Variants in ARID1B observed in about 807,000 individuals in gnomAD.
The protein encoded by ARID1B is AT-rich interactive domain-containing protein 1B.
A neutral mutation model predicts 212.3 loss-of-function variants in ARID1B; 30 were observed. The ratio of observed to expected loss-of-function variants is 0.14; its 90% CI spans 0.11 to 0.19. The LOEUF (loss-of-function observed/expected upper bound fraction) is 0.19. ARID1B is among the 10% of genes least tolerant of loss of function. The probability of loss-of-function intolerance (pLI) is 1.00; values close to 1 mark genes in which losing one functional copy is unlikely to be tolerated. For missense variants in ARID1B, 2,891 were observed against 3,204.0 expected, an observed-to-expected ratio of 0.90 and a Z score of 2.36; for synonymous variants, 1,402 against 1,301.7, an observed-to-expected ratio of 1.08 and a Z score of -1.66.
At chr6:157,095,322 C>T (rs1237388328) in intron 5 of ARID1B, among the ~76,000 whole-genome samples, 5 of 152,180 alleles carry the variant, frequency 3.3e-5, no homozygotes, top group South Asian at 4.1e-4. Context: ...CTGAGCTAAT[C>T]GGTCTGACAC....
intron 5 of ARID1B, among the ~76,000 whole-genome samples, chr6:157,097,277 A>G (rs935452819): frequency 2.0e-5 from 3 of 152,204 alleles, no homozygotes; most frequent in Non-Finnish European, 4.4e-5. Flanking sequence ...CATGCCACCT[A>G]TAGTACCAGT....
chr6:156,974,763 T>TC (rs1777125230), intron 4 of ARID1B, among the ~76,000 whole-genome samples: 1 of 152,248 alleles, frequency 6.6e-6, no homozygotes, highest in Non-Finnish European at 1.5e-5. Flanking sequence ...CTTTCACTTA[T>TC]CAGAACTTAC....
intron 4 of ARID1B, among the ~76,000 whole-genome samples, chr6:157,061,627 T>C (rs1783348552): frequency 6.6e-6 from 1 of 152,080 alleles, no homozygotes; most frequent in South Asian, 2.1e-4. Flanking sequence ...AAGCAATGAA[T>C]AAAATTTTAG....
intron 1 of ARID1B, among the ~76,000 whole-genome samples, chr6:156,805,312 C>T (rs1160687066): frequency 6.6e-6 from 1 of 152,146 alleles, no homozygotes; most frequent in African/African-American, 2.4e-5. Flanking sequence ...ACAGGATAGG[C>T]CCGAGAGTAA....
At chr6:157,087,569 G>A (rs998052119) in intron 5 of ARID1B, among the ~76,000 whole-genome samples, 6 of 152,158 alleles carry the variant, frequency 3.9e-5, no homozygotes, top group African/African-American at 1.2e-4. Context: ...TCACCATTAT[G>A]GATATTATTC....
chr6:156,897,182 G>GCTA (rs1562467928), intron 2 of ARID1B, among the ~76,000 whole-genome samples: 1 of 144,254 alleles, frequency 6.9e-6, no homozygotes, highest in East Asian at 2.0e-4. Flanking sequence ...TTCTTCTTTT[G>GCTA]CTGCTGCTAC....
chr6:156,951,133 T>G (rs1317625713), intron 4 of ARID1B, among the ~76,000 whole-genome samples: 1 of 152,204 alleles, frequency 6.6e-6, no homozygotes, highest in Non-Finnish European at 1.5e-5. Flanking sequence ...AGTGGCCACT[T>G]TTAACTGAAA....
At position 157,207,855 on chromosome 6, in the gene ARID1B, C is replaced by G. The variant is rs568017425; in HGVS notation, c.7083C>G (p.Val2361=). The G allele has an allele frequency of 6.6e-7, 1 of 1,514,248 alleles. No individual in the cohort carries two copies. The highest frequency in any genetic ancestry group is 1.4e-5 in the African/African-American group (1 of 71,806). The allele number at this position is 1,514,248 out of a possible 1,614,324, so 93.8% of individuals were successfully genotyped here. A position where few individuals can be genotyped will look rare whatever the true frequency, so the allele number is the denominator to read the frequency against. ...TCCTGAACTCTCTGGTTGCATCTGT[C>G]ATCTGTGATGTACTGTTTCAGATTG... ...SAVLNSLVAS[V]ICDVLFQIGQ... is the part of the protein sequence containing the mutation. The change falls in exon 20 of 20, where the codon GTC becomes GTG. Residue 2361 remains valine, a synonymous_variant. Transcript: ENST00000636930. This position sits in a 1 kb window ranked among gnomAD's most constrained non-coding sequence, Gnocchi z 8.5.
chr6:157,091,126 A>G (rs1167322644), intron 5 of ARID1B, among the ~76,000 whole-genome samples: 2 of 152,198 alleles, frequency 1.3e-5, no homozygotes, highest in Admixed American at 1.3e-4. Context: ...TCGTCCTCCT[A>G]CGCCACAAAG....
chr6:157,087,400 C>A (rs1785024079), intron 5 of ARID1B, among the ~76,000 whole-genome samples: 1 of 152,140 alleles, frequency 6.6e-6, no homozygotes, highest in African/African-American at 2.4e-5. Flanking sequence ...AGCCATATAA[C>A]CTTGAAGAAG....
chr6:156,812,107 AT>A (rs1781592648), intron 1 of ARID1B, among the ~76,000 whole-genome samples: 1 of 152,158 alleles, frequency 6.6e-6, no homozygotes, highest in African/African-American at 2.4e-5. Context: ...TTGTTGCTGT[AT>A]TTGTGCCTTG....
At chr6:156,818,279 AG>A (rs1246503767) in intron 1 of ARID1B, among the ~76,000 whole-genome samples, 1 of 152,050 alleles carries the variant, frequency 6.6e-6, no homozygotes, top group Non-Finnish European at 1.5e-5. Flanking sequence ...TTTTAAAACC[AG>A]GGGCAAATAG....
At chr6:157,019,613 A>G (rs958697659) in intron 4 of ARID1B, among the ~76,000 whole-genome samples, 1 of 152,222 alleles carries the variant, frequency 6.6e-6, no homozygotes, top group Admixed American at 6.5e-5. Flanking sequence ...TCATTAAGGA[A>G]GGAGGGAAGA....
At chr6:156,904,110 A>T (rs1750123293) in intron 3 of ARID1B, among the ~76,000 whole-genome samples, 1 of 152,170 alleles carries the variant, frequency 6.6e-6, no homozygotes, top group South Asian at 2.1e-4. Flanking sequence ...TCTTGACTGG[A>T]TAACCATTTA....
chr6:156,864,336 G>T (rs963614346), intron 2 of ARID1B, among the ~76,000 whole-genome samples: 1 of 152,092 alleles, frequency 6.6e-6, no homozygotes, highest in Non-Finnish European at 1.5e-5. Context: ...GGTGTGCTTC[G>T]GGCAGTGAGT....
chr6:157,156,715 C>T (rs976357751), intron 8 of ARID1B, among the ~76,000 whole-genome samples: 1 of 152,192 alleles, frequency 6.6e-6, no homozygotes, highest in African/African-American at 2.4e-5. Context: ...GCGGGAGCCT[C>T]AACTCCAAAA....
chr6:157,049,237 C>G (rs1782433736), intron 4 of ARID1B, among the ~76,000 whole-genome samples: 1 of 151,930 alleles, frequency 6.6e-6, no homozygotes, highest in Non-Finnish European at 1.5e-5. Flanking sequence ...AGCAAGGCCA[C>G]TCTGCCATGG....
intron 1 of ARID1B, among the ~76,000 whole-genome samples, chr6:156,801,484 C>T (rs1020388074): frequency 1.3e-5 from 2 of 152,052 alleles, no homozygotes; most frequent in African/African-American, 4.8e-5. Flanking sequence ...CAGGTGTGAG[C>T]CACCGCACCC....
At position 157,203,246 on chromosome 6, in the gene ARID1B, A is replaced by G. The variant is rs1188419127; in HGVS notation, c.5264-620A>G. Among the ~76,000 whole-genome samples the G allele has an allele frequency of 6.6e-6, 1 of 152,160 alleles. No homozygotes were observed. The highest frequency in any genetic ancestry group is 1.5e-5 in the Non-Finnish European group (1 of 68,030). ...CTTCAGTAGCAGGAATAGGGAAAAC[A>G]ACAAATTACTTCCCATTCTGTGGCT... is the stretch of plus-strand genomic sequence containing the variant. On this transcript the variant is annotated intron_variant, in intron 18 of 19. Transcript: ENST00000636930. This position sits in a 1 kb window ranked among gnomAD's most constrained non-coding sequence, Gnocchi z 4.4.
Sources: allele counts gnomAD v4.1 joint callset (sites outside exome capture counted in the v4.1 genomes callset), GRCh38; gene constraint gnomAD v4.1.1; non-coding constraint Gnocchi (gnomAD v3.1); transcripts MANE v1.5; gene names NCBI Gene and HGNC (gene_info 2026-07-23, HGNC 2026-07-21).